The following GRIK1 variants were observed in gnomAD, a reference collection of about 807,000 sequenced individuals.
GRIK1 encodes the protein glutamate receptor ionotropic, kainate 1.
Under a neutral mutation model 105.7 loss-of-function variants are expected in GRIK1, and 69 were observed. The observed-to-expected ratio is 0.65, with a 90% CI of 0.54 to 0.80. GRIK1 has a LOEUF of 0.80. GRIK1 is among the 30% of genes least tolerant of loss of function. The pLI is 0.00. For missense variants in GRIK1, 1,109 were observed against 1,167.3 expected (o/e 0.95, Z 0.73); for synonymous variants, 438 against 431.3 (o/e 1.02, Z -0.19).
intron 1 of GRIK1, among the ~76,000 whole-genome samples, chr21:29,887,678 C>T (rs1471529559): frequency 6.6e-6 from 1 of 152,056 alleles, no homozygotes; most frequent in African/African-American, 2.4e-5. Context: ...CCAGCCTGGA[C>T]CTAAGTTACT....
intron 1 of GRIK1, among the ~76,000 whole-genome samples, chr21:29,933,201 C>T (rs1418174779): frequency 6.6e-6 from 1 of 151,804 alleles, no homozygotes; most frequent in East Asian, 1.9e-4. Context: ...ACATAGGTAA[C>T]CGTGTGTCAT....
intron 1 of GRIK1, among the ~76,000 whole-genome samples, chr21:29,792,947 T>G (rs887681116): frequency 3.3e-5 from 5 of 152,228 alleles, no homozygotes; most frequent in Admixed American, 3.3e-4. Flanking sequence ...ATTTCCACTT[T>G]TGTCTCAGTA....
At chr21:29,843,121 G>A (rs1034094012) in intron 1 of GRIK1, among the ~76,000 whole-genome samples, 14 of 152,156 alleles carry the variant, frequency 9.2e-5, no homozygotes, top group Middle Eastern at 3.4e-3. Flanking sequence ...GAATGATTCC[G>A]TGGGCAGGTT....
intron 7 of GRIK1, among the ~76,000 whole-genome samples, chr21:29,615,548 A>G (rs1396591662): frequency 2.6e-5 from 4 of 152,126 alleles, no homozygotes; most frequent in Admixed American, 2.6e-4. Flanking sequence ...ACCTCAGGTG[A>G]TCCACCTGCT....
intron 1 of GRIK1, among the ~76,000 whole-genome samples, chr21:29,936,685 G>A (rs74380510): frequency 2.2e-3 from 328 of 152,314 alleles, no homozygotes; most frequent in Admixed American, 4.8e-3. Flanking sequence ...CTTTCCAACA[G>A]ACATTCACAG....
At chr21:29,810,179 C>T (rs2066973453) in intron 1 of GRIK1, among the ~76,000 whole-genome samples, 1 of 151,968 alleles carries the variant, frequency 6.6e-6, no homozygotes, top group Admixed American at 6.6e-5. Flanking sequence ...CACCTGGAAT[C>T]CCAGCTACTC....
intron 1 of GRIK1, among the ~76,000 whole-genome samples, chr21:29,888,182 T>TA (rs2069719607): frequency 8.6e-5 from 1 of 11,628 alleles, no homozygotes; most frequent in Non-Finnish European, 3.9e-4. Context: ...TCTTTCTTTC[T>TA]TCCTTTCTTT....
intron 6 of GRIK1, among the ~76,000 whole-genome samples, chr21:29,645,389 G>A (rs894037975): frequency 5.3e-5 from 8 of 152,006 alleles, no homozygotes; most frequent in Non-Finnish European, 1.0e-4. Flanking sequence ...TCATTAATTC[G>A]CTGAATGACC....
chr21:29,915,322 G>A (rs535704623), intron 1 of GRIK1, among the ~76,000 whole-genome samples: 16 of 152,078 alleles, frequency 1.1e-4, no homozygotes, highest in African/African-American at 3.4e-4. Flanking sequence ...GACCTTGTAA[G>A]CAATTAAGAT....
At chr21:29,737,507 C>T (rs556695582) in intron 1 of GRIK1, among the ~76,000 whole-genome samples, 4 of 152,176 alleles carry the variant, frequency 2.6e-5, no homozygotes, top group Admixed American at 6.5e-5. Flanking sequence ...CAGAAGGAGA[C>T]GTGAAAGAGA....
chr21:29,585,562 G>A (rs2091112875), intron 12 of GRIK1, among the ~76,000 whole-genome samples: 1 of 152,086 alleles, frequency 6.6e-6, no homozygotes, highest in South Asian at 2.1e-4. Context: ...GCCTCAGACT[G>A]CAAAATATGG....
rs71191120 is a variant in GRIK1, at chr21:29,629,194, ATGTGTGTGTGTG to A, written c.1098+13620_1098+13631del. Among the ~76,000 whole-genome samples, 20 of 132,662 alleles carry A rather than the reference ATGTGTGTGTGTG, an allele frequency of 1.5e-4. No individual in the cohort carries two copies. The East Asian group carries it at 1.7e-3, about 11-fold the overall frequency. 87.0% of individuals were successfully genotyped at this position (132,662 alleles called of 152,430 possible). ...TTTTGGATAAATGAGGAAAGGAGAA[ATGTGTGTGTGTG>A]TGTGTGTGTGTGTGTGTGTGTGTGT... On this transcript the variant is annotated intron_variant, in intron 7 of 17. Transcript: ENST00000327783.
intron 1 of GRIK1, among the ~76,000 whole-genome samples, chr21:29,899,251 G>A (rs1440350513): frequency 6.6e-6 from 1 of 152,146 alleles, no homozygotes; most frequent in African/African-American, 2.4e-5. Flanking sequence ...TGTTACTTTT[G>A]ATTGTTTTTT....
In GRIK1 at chr21:29,581,532, T is replaced by C. The variant is rs752320525; in HGVS notation, c.1805A>G (p.Tyr602Cys). ...GCATGGGTGGGGGTTATACCACTCG[T>C]AGGGTGTAAACCTGTGGTAGTTAAC... ...VLFVIARFTP[Y>C]EWYNPHPCNP... is the part of the protein sequence containing the mutation. Residue 602 changes from tyrosine to cysteine, a missense_variant, in exon 13 of 18, where the codon TAC becomes TGC. Around this residue, in one of 5 missense-constraint regions of GRIK1, gnomAD observed 264 missense variants for 306.9 expected, o/e 0.86. Coordinates refer to ENST00000327783, the MANE Select transcript of GRIK1 (RefSeq NM_001330994.2). 6.3e-7 allele frequency: 1 copy of C among 1,591,816 alleles called. No individual in the cohort carries two copies. The highest frequency in any genetic ancestry group is 8.6e-7 in the Non-Finnish European group (1 of 1,159,786).
chr21:29,743,032 T>G (rs946579013), intron 1 of GRIK1, among the ~76,000 whole-genome samples: 1 of 152,034 alleles, frequency 6.6e-6, no homozygotes, highest in Admixed American at 6.6e-5. Context: ...GCTAGTCCCT[T>G]CCTCACTTCT....
intron 13 of GRIK1, among the ~76,000 whole-genome samples, chr21:29,580,127 A>C (rs995406873): frequency 7.4e-6 from 1 of 134,410 alleles, no homozygotes. Flanking sequence ...ATACACATAT[A>C]CACACATATA....
intron 1 of GRIK1, among the ~76,000 whole-genome samples, chr21:29,784,960 A>G (rs936512178): frequency 6.6e-6 from 1 of 152,222 alleles, no homozygotes; most frequent in South Asian, 2.1e-4. Flanking sequence ...AAGTCATAAA[A>G]TAAATCCTAC....
intron 1 of GRIK1, among the ~76,000 whole-genome samples, chr21:29,885,367 T>C (rs2069577125): frequency 6.6e-6 from 1 of 152,038 alleles, no homozygotes; most frequent in Admixed American, 6.6e-5. Flanking sequence ...CTAGCTGTAG[T>C]TGGTTTACAG....
intron 1 of GRIK1, among the ~76,000 whole-genome samples, chr21:29,715,293 C>T (rs1164201571): frequency 5.9e-5 from 9 of 152,098 alleles, no homozygotes. Context: ...TCCCCTAGGA[C>T]TATCATAATC....
Sources: gnomAD v4.1 joint callset for allele counts (sites outside exome capture counted in the v4.1 genomes callset) on GRCh38, gnomAD v4.1.1 for gene constraint, gnomAD v4.1.1 regional missense constraint, MANE v1.5 for transcripts, NCBI Gene and HGNC (gene_info 2026-07-23, HGNC 2026-07-21) for gene names.